METTL16: variants seen among roughly 807,000 people sequenced by gnomAD.
The protein encoded by METTL16 is RNA N(6)-adenosine-methyltransferase METTL16.
METTL16 carries 19 observed loss-of-function variants against 57.9 expected under a neutral mutation model. The observed-to-expected ratio is 0.33, with a 90% confidence interval of 0.23 to 0.48. The LOEUF (loss-of-function observed/expected upper bound fraction) is 0.48. Ranked by LOEUF, METTL16 falls within the 20% of genes least tolerant of loss-of-function variation. The pLI, the probability that METTL16 is intolerant of heterozygous loss-of-function variation, is 0.99. For synonymous variants in METTL16, 246 were observed against 255.6 expected (o/e 0.96, Z 0.36); for missense variants, 434 against 691.5 (o/e 0.63, Z 4.18).
chr17:2,507,533 C>G (rs1423436422), intron 1 of METTL16, among the ~76,000 whole-genome samples: 1 of 150,970 alleles, frequency 6.6e-6, no homozygotes, highest in Non-Finnish European at 1.5e-5. Flanking sequence ...CGGCCAGCCG[C>G]CCCATCCGGG....
At chr17:2,427,979 T>G (rs1210072649) in intron 8 of METTL16, among the ~76,000 whole-genome samples, 36 of 112,306 alleles carry the variant, frequency 3.2e-4, no homozygotes, top group East Asian at 4.8e-4. Flanking sequence ...TAGCTGGATG[T>G]GGTGGCAAGG....
chr17:2,490,211 T>G (rs2067377048), intron 2 of METTL16, among the ~76,000 whole-genome samples: 1 of 152,164 alleles, frequency 6.6e-6, no homozygotes, highest in South Asian at 2.1e-4. Flanking sequence ...TTCTGTATTA[T>G]CTAAACACAT....
chr17:2,436,189 G>A (rs1278226545), intron 8 of METTL16, among the ~76,000 whole-genome samples: 2 of 152,306 alleles, frequency 1.3e-5, no homozygotes, highest in East Asian at 1.9e-4. Context: ...CATGTGGTGT[G>A]AGGGCCCTGA....
chr17:2,480,778 A>T (rs750159208), intron 2 of METTL16, among the ~76,000 whole-genome samples: 2 of 152,256 alleles, frequency 1.3e-5, no homozygotes, highest in Non-Finnish European at 2.9e-5. Context: ...AATAAAATAC[A>T]TGAGTCCATC....
chr17:2,447,599 G>T (rs2067013527), intron 6 of METTL16, among the ~76,000 whole-genome samples: 1 of 112,654 alleles, frequency 8.9e-6, no homozygotes, highest in African/African-American at 4.7e-5. Flanking sequence ...CCCCCCGCCC[G>T]GCCAGCCGCC....
intron 6 of METTL16, among the ~76,000 whole-genome samples, chr17:2,453,997 T>C (rs537931360): frequency 6.6e-6 from 1 of 152,322 alleles, no homozygotes; most frequent in South Asian, 2.1e-4. Flanking sequence ...ATCCCCTGTA[T>C]GTACTGTATC....
intron 2 of METTL16, among the ~76,000 whole-genome samples, chr17:2,485,519 G>A (rs1567901869): frequency 6.6e-6 from 1 of 152,116 alleles, no homozygotes; most frequent in Non-Finnish European, 1.5e-5. Context: ...ATTGTAAACA[G>A]TAGAATTGTA....
rs2151682463 is a variant in METTL16, at chr17:2,420,918, G to A, written c.889-14C>T. On this transcript the variant is annotated splice_polypyrimidine_tract_variant and intron_variant, in intron 8 of 9. Transcript: ENST00000263092. This position sits in a 1 kb window ranked among gnomAD's most constrained non-coding sequence, Gnocchi z 5.4. ...ACTTGGTGGTGACTGCAAGAAAAAGGAAGCATAGAAAAGAGAAGAAAGTTA... is the reference window on the plus strand; with the variant it reads ...ACTTGGTGGTGACTGCAAGAAAAAGAAAGCATAGAAAAGAGAAGAAAGTTA... 1 of 1,609,302 alleles carries A rather than the reference G, an allele frequency of 6.2e-7. No homozygotes were observed. The highest frequency in any genetic ancestry group is 2.2e-5 in the East Asian group (1 of 44,850).
intron 2 of METTL16, among the ~76,000 whole-genome samples, chr17:2,492,122 A>T (rs2067400717): frequency 6.6e-6 from 1 of 151,048 alleles, no homozygotes; most frequent in Non-Finnish European, 1.5e-5. Flanking sequence ...GAGGTAGGAG[A>T]ATGGCGTGAA....
intron 2 of METTL16, among the ~76,000 whole-genome samples, chr17:2,500,064 C>T (rs998718501): frequency 3.9e-5 from 6 of 151,994 alleles, no homozygotes; most frequent in African/African-American, 1.2e-4. Flanking sequence ...TTTCACAGAT[C>T]CCTTTGAGAA....
intron 6 of METTL16, among the ~76,000 whole-genome samples, chr17:2,451,884 A>G (rs1334990021): frequency 6.6e-6 from 1 of 152,022 alleles, no homozygotes; most frequent in Non-Finnish European, 1.5e-5. Flanking sequence ...GGTGGCTCAC[A>G]TCTGTAACCC....
In METTL16 at chr17:2,445,899, T is replaced by A. The variant is rs1382689591; in HGVS notation, c.729-4340A>T. On this transcript the variant is annotated intron_variant, in intron 6 of 9. Transcript: ENST00000263092. ...TTAATCCAGCAATATATAAAAAGAA[T>A]AATACATTATAACCAAGGGGCATTT... 5.9e-5 allele frequency among the ~76,000 whole-genome samples: 9 copies of A among 151,930 alleles called. No homozygotes were observed. In the East Asian group the frequency reaches 1.7e-3, roughly 29 times the overall value.
At chr17:2,468,516 G>A (rs2067216705) in intron 4 of METTL16, among the ~76,000 whole-genome samples, 1 of 152,152 alleles carries the variant, frequency 6.6e-6, no homozygotes, top group African/African-American at 2.4e-5. Flanking sequence ...AAGGGTCTCA[G>A]CTAGAACCAC....
intron 6 of METTL16, among the ~76,000 whole-genome samples, chr17:2,446,818 A>C (rs2067000143): frequency 2.6e-5 from 4 of 151,996 alleles, no homozygotes; most frequent in Admixed American, 2.0e-4. Flanking sequence ...CCTAGCCGTG[A>C]GTGATCCGCC....
chr17:2,419,869 A>C lies in METTL16; in HGVS notation c.*101T>G. ...TTTTTGTTTTCGAAGATAATTCCAC[A>C]TCGTGCTACTAATGGGCCGCTGGTA... On this transcript the variant is annotated 3_prime_UTR_variant, in exon 10 of 10. Coordinates refer to ENST00000263092, the MANE Select transcript of METTL16 (RefSeq NM_024086.4). 2 of 1,398,366 alleles carry C rather than the reference A, an allele frequency of 1.4e-6. No individual in the cohort carries two copies. Among genetic ancestry groups the C allele is most frequent in the Non-Finnish European group, 2.0e-6 (2 of 1,005,080 alleles). The allele number at this position is 1,398,366 out of a possible 1,614,324, so 86.6% of individuals were successfully genotyped here. A position where few individuals can be genotyped will look rare whatever the true frequency, so the allele number is the denominator to read the frequency against.
At chr17:2,450,580 T>C (rs1264005350) in intron 6 of METTL16, among the ~76,000 whole-genome samples, 1 of 152,206 alleles carries the variant, frequency 6.6e-6, no homozygotes, top group Middle Eastern at 3.2e-3. Context: ...GACTGAAATA[T>C]ATAAATTTAT....
chr17:2,434,285 G>T (rs1419471741), intron 8 of METTL16, among the ~76,000 whole-genome samples: 1 of 152,106 alleles, frequency 6.6e-6, no homozygotes, highest in South Asian at 2.1e-4. Flanking sequence ...TGTAACCTCC[G>T]CCCACTGTAA....
At position 2,467,842 on chromosome 17, in the gene METTL16, A is replaced by G. The variant is rs1597458581; in HGVS notation, c.504T>C (p.Asp168=). The change falls in exon 5 of 10, where the codon GAT becomes GAC. Residue 168 remains aspartate (D), a synonymous_variant. Coordinates refer to ENST00000263092, the MANE Select transcript of METTL16 (RefSeq NM_024086.4). ...VKVPQKTLLM[D]ALKEESEIIY... ...TTATCTCAGATTCTTCTTTAAGAGC[A>G]TCCATCAGGAGTGTCTTCTGTGGCA... is the stretch of plus-strand genomic sequence containing the variant. 6.8e-6 allele frequency: 11 copies of G among 1,614,180 alleles called. No individual in the cohort carries two copies. Among genetic ancestry groups the G allele is most frequent in the Non-Finnish European group, 8.5e-6 (10 of 1,180,004 alleles).
intron 6 of METTL16, among the ~76,000 whole-genome samples, chr17:2,444,696 C>T (rs1265194092): frequency 6.6e-6 from 1 of 151,786 alleles, no homozygotes; most frequent in Non-Finnish European, 1.5e-5. Context: ...ATGGTAAGTG[C>T]CCTACACAGA....
Sources: allele counts gnomAD v4.1 joint callset (sites outside exome capture counted in the v4.1 genomes callset), GRCh38; gene constraint gnomAD v4.1.1; non-coding constraint Gnocchi (gnomAD v3.1); transcripts MANE v1.5; gene names NCBI Gene and HGNC (gene_info 2026-07-23, HGNC 2026-07-21).